Variants in ABCA3 observed in about 807,000 individuals in gnomAD.
ABCA3 encodes the protein ATP binding cassette subfamily A member 3.
ABCA3 carries 88 observed loss-of-function variants against 172.8 expected under a neutral mutation model. The ratio of observed to expected loss-of-function variants is 0.51; its 90% CI spans 0.43 to 0.61. The LOEUF (loss-of-function observed/expected upper bound fraction) is 0.61. Among genes scored for constraint, ABCA3 ranks in the 20% least tolerant of loss-of-function variants. The pLI is 0.00. For synonymous variants in ABCA3, 1,066 were observed against 983.8 expected, an observed-to-expected ratio of 1.08 and a Z score of -1.56; for missense variants, 2,164 against 2,301.0, an observed-to-expected ratio of 0.94 and a Z score of 1.22.
At chr16:2,324,362 T>G (rs45520634) in intron 6 of ABCA3, 42 bp downstream of exon 6, 4 of 1,556,422 alleles carry the variant, frequency 2.6e-6, no homozygotes, top group South Asian at 2.3e-5. Flanking sequence ...GCGGAGGCCT[T>G]GCTGATGGGC....
chr16:2,332,324 A>G lies in ABCA3; in HGVS notation c.-538-2470T>C, dbSNP rs566336664. ...TAGTCACGATGGGCTTATCGGTAGG[A>G]TTTCTAGTAGCGAGCACAGGCACCA... On this transcript the variant is annotated intron_variant, in intron 1 of 32. Coordinates refer to ENST00000301732, the MANE Select transcript of ABCA3 (RefSeq NM_001089.3). 524 of 712,398 alleles carry G rather than the reference A, an allele frequency of 7.4e-4. 1 individual carries two copies. The highest frequency in any genetic ancestry group is 1.2e-3 in the Non-Finnish European group (484 of 390,870). 44.1% of individuals were successfully genotyped at this position (712,398 alleles called of 1,614,324 possible).
At chr16:2,337,902 G>A (rs187577025) in intron 1 of ABCA3, among the ~76,000 whole-genome samples, 22 of 152,300 alleles carry the variant, frequency 1.4e-4, no homozygotes, top group African/African-American at 4.1e-4. Context: ...CAGGCTCTGC[G>A]TTTACAATGA....
At position 2,304,133 on chromosome 16, in the gene ABCA3, G is replaced by A. The variant is rs750071923; in HGVS notation, c.1303C>T (p.Arg435Ter). The A allele has an allele frequency of 1.9e-6, 3 of 1,614,120 alleles. No individual in the cohort carries two copies. The highest frequency in any genetic ancestry group is 1.7e-5 in the Admixed American group (1 of 60,018). ...ACGTTGACGGGACTCAGGAGGTCTCGCCACTGGATGCCCATGCCTGGAAGA... is the reference window on the plus strand; with the variant it reads ...ACGTTGACGGGACTCAGGAGGTCTCACCACTGGATGCCCATGCCTGGAAGA... ...FEAKGMGIQW[R>*]DLLSPVNVDD... Residue 435 changes from arginine (R) to a stop codon, truncating the protein, a stop_gained, in exon 12 of 33, where the codon CGA becomes TGA. Coordinates refer to ENST00000301732, the MANE Select transcript of ABCA3 (RefSeq NM_001089.3). LOFTEE classifies it high-confidence loss of function.
chr16:2,293,078 G>A (rs1470992084), intron 18 of ABCA3, among the ~76,000 whole-genome samples: 1 of 151,944 alleles, frequency 6.6e-6, no homozygotes, highest in Non-Finnish European at 1.5e-5. Context: ...TTTAGATGGA[G>A]TTTTGCTCTG....
At chr16:2,321,339 C>A (rs899164462) in intron 7 of ABCA3, among the ~76,000 whole-genome samples, 1 of 152,202 alleles carries the variant, frequency 6.6e-6, no homozygotes, top group East Asian at 1.9e-4. Context: ...GATGTAAAAT[C>A]TTGCCCTAGA....
At chr16:2,304,827 C>G (rs555190969) in intron 11 of ABCA3, among the ~76,000 whole-genome samples, 12 of 152,166 alleles carry the variant, frequency 7.9e-5, no homozygotes, top group Middle Eastern at 3.4e-3. Flanking sequence ...AGGCGCCCGC[C>G]ACCGTGCCTG....
intron 10 of ABCA3, among the ~76,000 whole-genome samples, chr16:2,310,112 G>C (rs778168550): frequency 2.0e-5 from 3 of 151,748 alleles, no homozygotes; most frequent in Non-Finnish European, 4.4e-5. Context: ...ATACATTTAT[G>C]AAAAAAACCC....
At chr16:2,317,249 G>T in intron 10 of ABCA3, 34 bp downstream of exon 10, 1 of 1,613,086 alleles carries the variant, frequency 6.2e-7, no homozygotes, top group South Asian at 1.1e-5. Context: ...TTGGCCCCTT[G>T]GCAACCCCAC....
Position 2,308,521 on chromosome 16 carries a change from A to G in ABCA3, c.1214T>C (p.Leu405Pro). ...RYNWMTLSQK[L>P]CSCLLSNVAM... ...GACATTAGACAGGAGGCAGGAGCAG[A>G]GCTTCTGGCTCAGAGTCATCCAGTT... Residue 405 changes from leucine to proline, a missense_variant, in exon 11 of 33, where the codon CTC becomes CCC. Transcript: ENST00000301732. 1.9e-6 allele frequency: 3 copies of G among 1,614,212 alleles called. No homozygotes were observed. The highest frequency in any genetic ancestry group is 2.5e-6 in the Non-Finnish European group (3 of 1,180,022).
chr16:2,276,757 AGTC>A lies in ABCA3; in HGVS notation c.5029_5031del (p.Asp1677del). The stretch of plus-strand genomic sequence containing the variant: ...TCCAGCGAGATCTGGCTCACGGAGT[AGTC>A]GTCCACGCCGTACTTTTCCTTGGCT... On this transcript the variant is annotated inframe_deletion, in exon 33 of 33. Transcript: ENST00000301732. 1 of 1,614,020 alleles carries A rather than the reference AGTC, an allele frequency of 6.2e-7. No homozygotes were observed. The highest frequency in any genetic ancestry group is 1.3e-5 in the African/African-American group (1 of 75,064).
Position 2,277,614 on chromosome 16 carries a change from C to T in ABCA3, c.4966G>A (p.Asp1656Asn), listed in dbSNP as rs2141687194. 2 of 1,613,136 alleles carry T rather than the reference C, an allele frequency of 1.2e-6. No individual in the cohort carries two copies. Among genetic ancestry groups the T allele is most frequent in the Non-Finnish European group, 8.5e-7 (1 of 1,180,022 alleles). The change falls in exon 32 of 33, where the codon GAC becomes AAC. Residue 1656 changes from aspartate to asparagine, a missense_variant. By Grantham distance (23) the Asp-to-Asn change is conservative. This residue lies in a region of ABCA3 where 795 missense variants were observed against 881.9 expected (regional missense o/e 0.90). Coordinates refer to ENST00000301732, the MANE Select transcript of ABCA3 (RefSeq NM_001089.3). The surrounding 1 kb of genome is among the most constrained non-coding windows in gnomAD (Gnocchi z 5.3). Reference sequence around the variant, plus strand: ...TGCCTCACCTTCGCCCAGCTGAGGTCACGGCCCGGCAGGTGGTAATGGACC... The same window carrying T: ...TGCCTCACCTTCGCCCAGCTGAGGTTACGGCCCGGCAGGTGGTAATGGACC... ...GMVHYHLPGR[D>N]LSWAKVFGIL...
rs755801808 is a variant in ABCA3 at position 2,289,327 on chromosome 16, G to A, written c.2700+107C>T. On this transcript the variant is annotated intron_variant, in intron 20 of 32. Coordinates refer to ENST00000301732, the MANE Select transcript of ABCA3 (RefSeq NM_001089.3). ...CTCTGCCCGGTGTGCTGACTCTCCC[G>A]GACCCTGTTTGCGCCCTCGCAGACT... 6.0e-5 allele frequency: 84 copies of A among 1,394,538 alleles called. 1 individual carries two copies. In the South Asian group the frequency reaches 6.4e-4, roughly 11 times the overall value. The allele number at this position is 1,394,538 out of a possible 1,614,324, so 86.4% of individuals were successfully genotyped here. A position where few individuals can be genotyped will look rare whatever the true frequency, so the allele number is the denominator to read the frequency against.
rs908722575 is a variant in ABCA3, at chr16:2,285,235, G to A, written c.3483+207C>T. ...GAGCTGTAACCAGGATGGCTGCTCC[G>A]GGTGCTGCCCATGCATGGAGGGTAA... On this transcript the variant is annotated intron_variant, in intron 23 of 32. Transcript: ENST00000301732. The surrounding 1 kb of genome is among the most constrained non-coding windows in gnomAD (Gnocchi z 4.7). 1.3e-5 allele frequency among the ~76,000 whole-genome samples: 2 copies of A among 152,168 alleles called. No homozygotes were observed. Among genetic ancestry groups the A allele is most frequent in the African/African-American group, 4.8e-5 (2 of 41,442 alleles).
At chr16:2,300,262 C>A in intron 12 of ABCA3, 114 bp from the exon 13 acceptor site, 1 of 1,471,654 alleles carries the variant, frequency 6.8e-7, no homozygotes, top group Non-Finnish European at 9.3e-7. Context: ...GACTTCGAGG[C>A]ACTGCTGTGG....
At position 2,277,601 on chromosome 16, in the gene ABCA3, G is replaced by C. The variant is rs146651498; in HGVS notation, c.4979C>G (p.Ala1660Gly). The change falls in exon 32 of 33, where the codon GCG (alanine) becomes GGG (glycine). Residue 1660 changes from alanine (A) to glycine (G), a missense_variant. Physicochemically the swap from Ala to Gly is moderately conservative, Grantham distance 60 (BLOSUM62 0). This residue lies in a region of ABCA3 where 795 missense variants were observed against 881.9 expected (regional missense o/e 0.90). Coordinates refer to ENST00000301732, the MANE Select transcript of ABCA3 (RefSeq NM_001089.3). This position sits in a 1 kb window ranked among gnomAD's most constrained non-coding sequence, Gnocchi z 5.3. ...YHLPGRDLSWAKVFGILEKAK... is the reference protein window; with the variant it reads ...YHLPGRDLSWGKVFGILEKAK... ...GGGCCCCAGGGACTGCCTCACCTTCGCCCAGCTGAGGTCACGGCCCGGCAG... is the reference window on the plus strand; with the variant it reads ...GGGCCCCAGGGACTGCCTCACCTTCCCCCAGCTGAGGTCACGGCCCGGCAG... The C allele has an allele frequency of 6.2e-7, 1 of 1,613,032 alleles. No individual in the cohort carries two copies. The highest frequency in any genetic ancestry group is 1.1e-5 in the South Asian group (1 of 91,072).
chr16:2,281,440 G>A lies in ABCA3; in HGVS notation c.4105C>T (p.Leu1369=), dbSNP rs999637490. Residue 1369 remains leucine (L), a synonymous_variant, in exon 27 of 33, where the codon CTG becomes TTG. Transcript: ENST00000301732. This position sits in a 1 kb window ranked among gnomAD's most constrained non-coding sequence, Gnocchi z 4.7. ...AGCAGGGAGTCCGGACTGGGGGCCA[G>A]GATGCGGGTCCTCTCGTCCGCTACA... ...QDVADERTRI[L]APSPDSLLHT... The A allele has an allele frequency of 6.2e-6, 10 of 1,613,750 alleles. No homozygotes were observed. In the Admixed American group the frequency reaches 1.3e-4, roughly 22 times the overall value.
intron 4 of ABCA3, 36 bp from the exon 5 acceptor site, chr16:2,326,310 C>T: frequency 6.2e-7 from 1 of 1,611,540 alleles, no homozygotes; most frequent in Non-Finnish European, 8.5e-7. Context: ...TGATGGGCTG[C>T]AAGGCAGAAG....
At chr16:2,301,815 A>C (rs560061367) in intron 12 of ABCA3, among the ~76,000 whole-genome samples, 6 of 152,242 alleles carry the variant, frequency 3.9e-5, no homozygotes, top group Non-Finnish European at 8.8e-5. Flanking sequence ...GTCACTATAA[A>C]TGAAGGTGGT....
chr16:2,307,093 G>A lies in ABCA3; in HGVS notation c.1285+1357C>T, dbSNP rs556182406. Among the ~76,000 whole-genome samples, 3 of 151,778 alleles carry A rather than the reference G, an allele frequency of 2.0e-5. No individual in the cohort carries two copies. The South Asian group carries it at 6.2e-4, about 32-fold the overall frequency. Reference sequence around the variant, plus strand: ...ATGATGCCATTGCACTCCAGGCTGGGTGACACAGCGAGACCCTGTCTCAAA... The same window carrying A: ...ATGATGCCATTGCACTCCAGGCTGGATGACACAGCGAGACCCTGTCTCAAA... On this transcript the variant is annotated intron_variant, in intron 11 of 32. Transcript: ENST00000301732.
Sources: allele counts gnomAD v4.1 joint callset (sites outside exome capture counted in the v4.1 genomes callset), GRCh38; gene constraint gnomAD v4.1.1; regional missense constraint gnomAD v4.1.1; non-coding constraint Gnocchi (gnomAD v3.1); transcripts MANE v1.5; gene names NCBI Gene and HGNC (gene_info 2026-07-23, HGNC 2026-07-21).